The following NUMB variants were observed in gnomAD, a reference collection of about 807,000 sequenced individuals.
The protein encoded by NUMB is protein numb homolog.
NUMB carries 29 observed loss-of-function variants against 59.7 expected under a neutral mutation model. The ratio of observed to expected loss-of-function variants is 0.49; its 90% CI spans 0.36 to 0.66. The LOEUF is 0.66. Among genes scored for constraint, NUMB ranks in the 30% least tolerant of loss-of-function variants. The probability of loss-of-function intolerance (pLI) is 0.00; values close to 1 mark genes in which losing one functional copy is unlikely to be tolerated. For missense variants in NUMB, 723 were observed against 822.0 expected, an observed-to-expected ratio of 0.88 and a Z score of 1.47; for synonymous variants, 288 against 288.2, an observed-to-expected ratio of 1.00 and a Z score of 0.01.
chr14:73,326,838 T>G (rs1325533158), intron 4 of NUMB, among the ~76,000 whole-genome samples: 1 of 152,078 alleles, frequency 6.6e-6, no homozygotes, highest in Non-Finnish European at 1.5e-5. Flanking sequence ...TAATAACTAC[T>G]CAGAAAGGTA....
At chr14:73,349,915 C>T (rs779955408) in intron 4 of NUMB, among the ~76,000 whole-genome samples, 1 of 151,862 alleles carries the variant, frequency 6.6e-6, no homozygotes, top group African/African-American at 2.4e-5. Flanking sequence ...ACTAGCTGGG[C>T]ATGGTGGCAG....
intron 2 of NUMB, among the ~76,000 whole-genome samples, chr14:73,403,039 G>A (rs529744001): frequency 6.6e-6 from 1 of 152,190 alleles, no homozygotes; most frequent in Non-Finnish European, 1.5e-5. Context: ...TCTCATTACA[G>A]AGGCCAAAAG....
At chr14:73,367,320 C>T (rs1312091789) in intron 2 of NUMB, among the ~76,000 whole-genome samples, 49 of 111,106 alleles carry the variant, frequency 4.4e-4, no homozygotes, top group Non-Finnish European at 6.2e-4. Flanking sequence ...CACACACACA[C>T]ACATATATAC....
intron 1 of NUMB, among the ~76,000 whole-genome samples, chr14:73,447,879 C>T (rs1337467053): frequency 6.6e-6 from 1 of 151,496 alleles, no homozygotes; most frequent in African/African-American, 2.4e-5. Context: ...CCTACCCTAC[C>T]CCCAACCCTC....
Position 73,276,185 on chromosome 14 carries a change from G to A in NUMB, c.*393C>T, listed in dbSNP as rs1888141203. The A allele has an allele frequency of 1.1e-5, 2 of 184,528 alleles. No individual in the cohort carries two copies. The highest frequency in any genetic ancestry group is 2.8e-4 in the East Asian group (2 of 7,214). The allele number at this position is 184,528 out of a possible 1,614,324, so 11.4% of individuals were successfully genotyped here. A position where few individuals can be genotyped will look rare whatever the true frequency, so the allele number is the denominator to read the frequency against. On this transcript the variant is annotated 3_prime_UTR_variant, in exon 13 of 13. Transcript: ENST00000555238. The stretch of plus-strand genomic sequence containing the variant: ...CTAATACAGGCCACTACTGACAGGA[G>A]GCAGGTGAATGGCCTGAAAAACAAA...
Position 73,389,300 on chromosome 14 carries a change from C to CAA in NUMB, c.-101+20635_-101+20636dup, listed in dbSNP as rs1247536023. On this transcript the variant is annotated intron_variant, in intron 2 of 12. Transcript: ENST00000555238. ...AAAAAAAAAAAAAAAAAAACAAAAA[C>CAA]AAAAACACTGGTCTCTGTTTTATAC... Among the ~76,000 whole-genome samples the CAA allele has an allele frequency of 9.2e-4, 88 of 95,326 alleles. No individual in the cohort carries two copies. The South Asian group carries it at 0.011, about 12-fold the overall frequency. 62.5% of individuals were successfully genotyped at this position (95,326 alleles called of 152,430 possible).
chr14:73,284,197 C>T lies in NUMB; in HGVS notation c.833G>A (p.Arg278Gln), dbSNP rs373923130. The change falls in exon 10 of 13, where the codon CGA becomes CAA. Residue 278 changes from arginine (R) to glutamine (Q), a missense_variant. By Grantham distance (43) the Arg-to-Gln change is conservative. Around this residue, in one of 2 missense-constraint regions of NUMB, gnomAD observed 317 missense variants for 436.6 expected, o/e 0.73. Transcript: ENST00000555238. ...IEQLARQGSFRGFPALSQKMS... is the reference protein window; with the variant it reads ...IEQLARQGSFQGFPALSQKMS... ...CTTCTGGCTAAGAGCAGGAAAACCT[C>T]GGAAAGAGCCTTGGCGAGCAAGCTG... is the stretch of plus-strand genomic sequence containing the variant. 1.9e-5 allele frequency: 30 copies of T among 1,614,150 alleles called. No individual in the cohort carries two copies. The highest frequency in any genetic ancestry group is 1.6e-4 in the Middle Eastern group (1 of 6,062).
chr14:73,396,765 G>A (rs1384972151), intron 2 of NUMB, among the ~76,000 whole-genome samples: 11 of 151,988 alleles, frequency 7.2e-5, no homozygotes, highest in Non-Finnish European at 1.5e-4. Context: ...GATAATTTAC[G>A]GTATATCTAT....
intron 1 of NUMB, among the ~76,000 whole-genome samples, chr14:73,411,569 C>CT (rs1896896388): frequency 6.6e-6 from 1 of 152,132 alleles, no homozygotes; most frequent in Non-Finnish European, 1.5e-5. Context: ...CTCAGTAGTG[C>CT]TTTTCTTCAC....
At chr14:73,358,483 C>T (rs1566759852) in intron 3 of NUMB, among the ~76,000 whole-genome samples, 1 of 152,170 alleles carries the variant, frequency 6.6e-6, no homozygotes, top group Non-Finnish European at 1.5e-5. Flanking sequence ...TCTTTCAGAG[C>T]CTCTGTATAT....
At chr14:73,419,271 G>A (rs1897255019) in intron 1 of NUMB, among the ~76,000 whole-genome samples, 1 of 152,206 alleles carries the variant, frequency 6.6e-6, no homozygotes, top group Non-Finnish European at 1.5e-5. Flanking sequence ...AGCACTTTGG[G>A]AGGCCGAGGC....
chr14:73,301,855 T>C (rs946804485), intron 6 of NUMB, among the ~76,000 whole-genome samples: 32 of 152,184 alleles, frequency 2.1e-4, no homozygotes, highest in African/African-American at 7.2e-4. Context: ...CCAAGGCAGG[T>C]GGATCGCTTG....
intron 1 of NUMB, among the ~76,000 whole-genome samples, chr14:73,446,256 C>T (rs973002604): frequency 6.6e-6 from 1 of 152,008 alleles, no homozygotes; most frequent in African/African-American, 2.4e-5. Context: ...CTCAGCCTTC[C>T]AGAATGCTGG....
At chr14:73,427,287 C>T (rs889355335) in intron 1 of NUMB, among the ~76,000 whole-genome samples, 2 of 151,908 alleles carry the variant, frequency 1.3e-5, no homozygotes, top group African/African-American at 4.8e-5. Flanking sequence ...GCCTGGCCAA[C>T]ATGGTGAAAT....
intron 8 of NUMB, among the ~76,000 whole-genome samples, chr14:73,287,667 C>T (rs1889109138): frequency 6.6e-6 from 1 of 152,170 alleles, no homozygotes; most frequent in African/African-American, 2.4e-5. Flanking sequence ...CATGAGCCAC[C>T]ACACTCGGCC....
intron 5 of NUMB, among the ~76,000 whole-genome samples, chr14:73,322,141 T>C (rs1006250199): frequency 6.6e-6 from 1 of 152,212 alleles, no homozygotes; most frequent in Non-Finnish European, 1.5e-5. Flanking sequence ...ATGTATTTAA[T>C]GCTGTTGGGA....
chr14:73,327,612 G>C (rs1891731677), intron 4 of NUMB, among the ~76,000 whole-genome samples: 1 of 152,030 alleles, frequency 6.6e-6, no homozygotes, highest in Non-Finnish European at 1.5e-5. Context: ...GGAATATGGT[G>C]CTGTAAAAGT....
chr14:73,334,056 GTGT>G (rs1371666651), intron 4 of NUMB, among the ~76,000 whole-genome samples: 1 of 148,602 alleles, frequency 6.7e-6, no homozygotes, highest in Non-Finnish European at 1.5e-5. Context: ...TTGTGTGTGT[GTGT>G]TTTTTTTTCG....
chr14:73,293,012 G>T, intron 7 of NUMB, 138 bp from the exon 8 acceptor site: 1 of 870,250 alleles, frequency 1.1e-6, no homozygotes, highest in Non-Finnish European at 1.7e-6. Context: ...TCTGTGTCCA[G>T]CAGTTTAAAT....
Sources: gnomAD v4.1 joint callset for allele counts (sites outside exome capture counted in the v4.1 genomes callset) on GRCh38, gnomAD v4.1.1 for gene constraint, gnomAD v4.1.1 regional missense constraint, MANE v1.5 for transcripts, NCBI Gene and HGNC (gene_info 2026-07-23, HGNC 2026-07-21) for gene names.